The following KCNK13 variants were observed in gnomAD, a reference collection of about 807,000 sequenced individuals.
The protein encoded by KCNK13 is potassium channel subfamily K member 13.
In KCNK13, 12 loss-of-function variants were observed where a neutral mutation model predicts 23.4. The observed-to-expected ratio is 0.51, with a 90% CI of 0.33 to 0.83. The LOEUF is 0.83. KCNK13 is among the 40% of genes least tolerant of loss of function. The pLI, the probability that KCNK13 is intolerant of heterozygous loss-of-function variation, is 0.02. For synonymous variants in KCNK13, 231 were observed against 229.5 expected (o/e 1.01, Z -0.06); for missense variants, 463 against 556.3 (o/e 0.83, Z 1.69).
At chr14:90,086,783 C>A (rs1043358952) in intron 1 of KCNK13, among the ~76,000 whole-genome samples, 1 of 152,128 alleles carries the variant, frequency 6.6e-6, no homozygotes. Context: ...ATTGGCCCAA[C>A]CTGACTGCAG....
intron 1 of KCNK13, among the ~76,000 whole-genome samples, chr14:90,095,372 G>T (rs562516710): frequency 2.0e-5 from 3 of 152,218 alleles, no homozygotes; most frequent in Non-Finnish European, 4.4e-5. Flanking sequence ...CAGTAGCTCT[G>T]AGACAGAGCC....
chr14:90,064,123 A>G (rs1212590609), intron 1 of KCNK13, among the ~76,000 whole-genome samples: 1 of 152,136 alleles, frequency 6.6e-6, no homozygotes, highest in Admixed American at 6.5e-5. Context: ...ATCACCTCCC[A>G]CGTCCCAGAA....
At chr14:90,133,224 G>A (rs77519176) in intron 1 of KCNK13, among the ~76,000 whole-genome samples, 3 of 152,268 alleles carry the variant, frequency 2.0e-5, no homozygotes, top group South Asian at 2.1e-4. Flanking sequence ...CATTTTGTAC[G>A]TGACAAATCA....
intron 1 of KCNK13, among the ~76,000 whole-genome samples, chr14:90,120,085 G>C (rs908547836): frequency 2.0e-5 from 3 of 152,034 alleles, no homozygotes; most frequent in Admixed American, 2.0e-4. Flanking sequence ...CCCTCAAGTA[G>C]GCCTCAGTGT....
intron 1 of KCNK13, among the ~76,000 whole-genome samples, chr14:90,130,673 G>T (rs1313770452): frequency 6.6e-6 from 1 of 152,134 alleles, no homozygotes; most frequent in African/African-American, 2.4e-5. Flanking sequence ...AATCAGCCAG[G>T]TGTGGTGGCG....
intron 1 of KCNK13, among the ~76,000 whole-genome samples, chr14:90,170,725 A>G (rs902428938): frequency 1.3e-5 from 2 of 152,184 alleles, no homozygotes; most frequent in African/African-American, 4.8e-5. Context: ...TGTTTTACAT[A>G]AGATGACGTA....
intron 1 of KCNK13, among the ~76,000 whole-genome samples, chr14:90,063,440 T>C (rs1386167375): frequency 7.9e-5 from 12 of 152,162 alleles, no homozygotes; most frequent in African/African-American, 2.9e-4. Context: ...CCCTAAAGAT[T>C]GTTCATCCTT....
At chr14:90,114,799 G>A (rs954151690) in intron 1 of KCNK13, among the ~76,000 whole-genome samples, 4 of 152,134 alleles carry the variant, frequency 2.6e-5, no homozygotes, top group Non-Finnish European at 5.9e-5. Flanking sequence ...TTTCTCTCCT[G>A]GAAAGAGATG....
At chr14:90,075,779 T>A (rs1889127638) in intron 1 of KCNK13, among the ~76,000 whole-genome samples, 1 of 152,072 alleles carries the variant, frequency 6.6e-6, no homozygotes, top group Non-Finnish European at 1.5e-5. Flanking sequence ...CTACAACAGG[T>A]CTAGACTTAT....
At chr14:90,069,790 A>G (rs1889052414) in intron 1 of KCNK13, among the ~76,000 whole-genome samples, 1 of 152,148 alleles carries the variant, frequency 6.6e-6, no homozygotes, top group African/African-American at 2.4e-5. Flanking sequence ...TTGTGCACAA[A>G]CCTTATGGGA....
At chr14:90,166,567 G>T (rs1028179581) in intron 1 of KCNK13, among the ~76,000 whole-genome samples, 1 of 152,098 alleles carries the variant, frequency 6.6e-6, no homozygotes, top group Non-Finnish European at 1.5e-5. Flanking sequence ...TTAGCCAGAC[G>T]TGGTGGCAGG....
chr14:90,066,713 A>G (rs115284558), intron 1 of KCNK13, among the ~76,000 whole-genome samples: 143 of 152,298 alleles, frequency 9.4e-4, no homozygotes, highest in African/African-American at 3.3e-3. Context: ...GAGACTTTTG[A>G]CTTAAAAGTC....
chr14:90,172,051 TCACACA>T lies in KCNK13; in HGVS notation c.335-12059_335-12054del, dbSNP rs1251642351. The stretch of plus-strand genomic sequence containing the variant: ...TATAGAAGGGGCCAGGCGTGGTGGC[TCACACA>T]TGTAATCCCACCGCTTTGGGAGGAT... On this transcript the variant is annotated intron_variant, in intron 1 of 1. Transcript: ENST00000282146. Among the ~76,000 whole-genome samples the T allele has an allele frequency of 4.6e-5, 7 of 152,256 alleles. No individual in the cohort carries two copies. In the East Asian group the frequency reaches 1.4e-3, roughly 29 times the overall value.
intron 1 of KCNK13, among the ~76,000 whole-genome samples, chr14:90,103,747 G>GTTAAC (rs1208414397): frequency 6.6e-6 from 1 of 152,094 alleles, no homozygotes; most frequent in Non-Finnish European, 1.5e-5. Context: ...ATTTTTAGTA[G>GTTAAC]AGACGGGGTT....
At chr14:90,160,819 G>A (rs1890244985) in intron 1 of KCNK13, among the ~76,000 whole-genome samples, 1 of 150,532 alleles carries the variant, frequency 6.6e-6, no homozygotes, top group Non-Finnish European at 1.5e-5. Context: ...CACCAGCCTG[G>A]GTGACAAGAG....
intron 1 of KCNK13, among the ~76,000 whole-genome samples, chr14:90,111,387 A>G (rs921271953): frequency 6.6e-6 from 1 of 152,196 alleles, no homozygotes; most frequent in Non-Finnish European, 1.5e-5. Flanking sequence ...TTTCACACAT[A>G]CACAGAGAAG....
In KCNK13 at chr14:90,062,348, A is replaced by G. The variant is rs1411403501; in HGVS notation, c.143A>G (p.Gln48Arg). The part of the protein sequence containing the change: ...FSALELAHER[Q>R]AKQRWEERLA... ...GCGCTGGAGCTGGCGCACGAGCGCC[A>G]GGCCAAGCAGCGCTGGGAGGAGCGC... Residue 48 changes from glutamine to arginine, a missense_variant, in exon 1 of 2, where the codon CAG (glutamine) becomes CGG (arginine). This residue lies in a region of KCNK13 where 153 missense variants were observed against 153.6 expected (regional missense o/e 1.00). Transcript: ENST00000282146. The surrounding 1 kb of genome is among the most constrained non-coding windows in gnomAD (Gnocchi z 4.5). 1 of 1,556,204 alleles carries G rather than the reference A, an allele frequency of 6.4e-7. No homozygotes were observed. Among genetic ancestry groups the G allele is most frequent in the Admixed American group, 1.9e-5 (1 of 52,764 alleles).
chr14:90,109,750 C>A (rs1270835048), intron 1 of KCNK13, among the ~76,000 whole-genome samples: 1 of 150,832 alleles, frequency 6.6e-6, no homozygotes, highest in Non-Finnish European at 1.5e-5. Context: ...GCTCTGTCAC[C>A]CAGGCTGGAG....
intron 1 of KCNK13, among the ~76,000 whole-genome samples, chr14:90,092,347 A>G (rs781728460): frequency 6.6e-6 from 1 of 152,220 alleles, no homozygotes; most frequent in Non-Finnish European, 1.5e-5. Flanking sequence ...AACTACATCC[A>G]TCTGTGCAGG....
Sources: gnomAD v4.1 joint callset for allele counts (sites outside exome capture counted in the v4.1 genomes callset) on GRCh38, gnomAD v4.1.1 for gene constraint, gnomAD v4.1.1 regional missense constraint, Gnocchi (gnomAD v3.1) non-coding constraint, MANE v1.5 for transcripts, NCBI Gene and HGNC (gene_info 2026-07-23, HGNC 2026-07-21) for gene names.